MXRA5: variants seen among roughly 807,000 people sequenced by gnomAD.
MXRA5 encodes the protein matrix-remodeling-associated protein 5.
A neutral mutation model predicts 112.5 loss-of-function variants in MXRA5; 41 were observed. That is an observed-to-expected ratio of 0.36 (90% CI 0.28 to 0.47). MXRA5 has a LOEUF of 0.47. Among genes scored for constraint, MXRA5 ranks in the 20% least tolerant of loss-of-function variants. MXRA5 has a pLI of 0.99. For missense variants in MXRA5, 2,150 were observed against 2,251.0 expected (o/e 0.96, Z 0.91); for synonymous variants, 862 against 900.8 (o/e 0.96, Z 0.77).
In MXRA5 at chrX:3,317,141, C is replaced by A; in HGVS notation, c.6540G>T (p.Trp2180Cys). The A allele has an allele frequency of 8.4e-7, 1 of 1,194,260 alleles. No individual in the cohort carries two copies. Among genetic ancestry groups the A allele is most frequent in the Non-Finnish European group, 1.1e-6 (1 of 886,691 alleles). Residue 2180 changes from tryptophan to cysteine, a missense_variant, in exon 6 of 7, where the codon TGG becomes TGT. Transcript: ENST00000217939. ...ASGDPWPRIL[W>C]RLPSKRMIDA... ...CGATCATCCTCTTGGACGGCAGCCT[C>A]CAGAGGATGCGCGGCCAGGGGTCCC...
chrX:3,339,003 T>TAG (rs760327138), intron 2 of MXRA5, among the ~76,000 whole-genome samples: 1 of 108,902 alleles, frequency 9.2e-6, no homozygotes, highest in Non-Finnish European at 1.9e-5. Flanking sequence ...GATAGATAGA[T>TAG]ATTGAGAAAA....
At chrX:3,332,345 C>T (rs1011543694) in intron 2 of MXRA5, among the ~76,000 whole-genome samples, 3 of 110,942 alleles carry the variant, frequency 2.7e-5, no homozygotes, top group South Asian at 3.9e-4. Context: ...CCCAGGTTCA[C>T]GCCATTCTCC....
In MXRA5 at chrX:3,320,259, A is replaced by G; in HGVS notation, c.5426T>C (p.Val1809Ala). 8.3e-7 allele frequency: 1 copy of G among 1,210,989 alleles called. No individual in the cohort carries two copies. Among genetic ancestry groups the G allele is most frequent in the Non-Finnish European group, 1.1e-6 (1 of 894,986 alleles). Residue 1809 changes from valine to alanine, a missense_variant, in exon 5 of 7, where the codon GTC becomes GCC. Coordinates refer to ENST00000217939, the MANE Select transcript of MXRA5 (RefSeq NM_015419.4). The stretch of plus-strand genomic sequence containing the variant: ...GGAGATAGAACTCTGGGTGGAAGAG[A>G]CCATAGGGATATTCTGTAAGTTAGT... ...PSTNLQNIPM[V>A]SSTQSSISFI...
chrX:3,328,193 T>C (rs1015274683), intron 4 of MXRA5, among the ~76,000 whole-genome samples: 3 of 112,327 alleles, frequency 2.7e-5, no homozygotes, highest in Non-Finnish European at 5.6e-5. Context: ...CATCCATTGC[T>C]TGATGGCCTC....
chrX:3,312,013 A>G (rs1920996375), intron 6 of MXRA5, among the ~76,000 whole-genome samples: 1 of 112,462 alleles, frequency 8.9e-6, no homozygotes, highest in African/African-American at 3.2e-5. Flanking sequence ...TCAACCTTAT[A>G]AAGATGTTAA....
At position 3,342,153 on chromosome X, in the gene MXRA5, C is replaced by A. The variant is rs781279215; in HGVS notation, c.188+1493G>T. 2.7e-5 allele frequency among the ~76,000 whole-genome samples: 3 copies of A among 110,380 alleles called. No individual in the cohort carries two copies. The Admixed American group carries it at 2.9e-4, about 11-fold the overall frequency. On this transcript the variant is annotated intron_variant, in intron 2 of 6. Coordinates refer to ENST00000217939, the MANE Select transcript of MXRA5 (RefSeq NM_015419.4). ...CTAACAAGGGAAAGAGAAAACCAAA[C>A]GCTGCATGTTCTCACTCATAAATGG...
intron 1 of MXRA5, among the ~76,000 whole-genome samples, chrX:3,344,987 G>A (rs983484667): frequency 3.6e-5 from 4 of 110,578 alleles, no homozygotes; most frequent in African/African-American, 1.3e-4. Flanking sequence ...AACAAAATTA[G>A]CTGGGCGTGG....
rs1427717257 is a variant in MXRA5, at chrX:3,323,826, T to C, written c.1859A>G (p.Asn620Ser). The C allele has an allele frequency of 8.3e-7, 1 of 1,211,433 alleles. No individual in the cohort carries two copies. Residue 620 changes from asparagine (N) to serine (S), a missense_variant, in exon 5 of 7, where the codon AAT (asparagine) becomes AGT (serine). Physicochemically the swap from Asn to Ser is conservative, Grantham distance 46. Transcript: ENST00000217939. Reference protein sequence around the residue: ...SWILPNRRIINDLANTSHVYM... With the variant: ...SWILPNRRIISDLANTSHVYM... ...TACATGTGATGTGTTAGCCAAATCA[T>C]TAATTATCCTTCTGTTTGGAAGAAT...
In MXRA5 at chrX:3,321,374, A is replaced by G; in HGVS notation, c.4311T>C (p.Ala1437=). The change falls in exon 5 of 7, where the codon GCT becomes GCC. Residue 1437 remains alanine (A), a synonymous_variant. Coordinates refer to ENST00000217939, the MANE Select transcript of MXRA5 (RefSeq NM_015419.4). ...TVSTPFHQEE[A]GSSTTLSSIK... is the part of the protein sequence containing the mutation. ...TGCTTGAGAGAGTTGTGGAAGAACC[A>G]GCTTCTTCCTGGTGAAATGGTGTGG... 1 of 1,211,948 alleles carries G rather than the reference A, an allele frequency of 8.3e-7. No individual in the cohort carries two copies. The highest frequency in any genetic ancestry group is 1.1e-6 in the Non-Finnish European group (1 of 895,413).
At chrX:3,328,586 G>C (rs1921567370) in intron 4 of MXRA5, among the ~76,000 whole-genome samples, 1 of 111,191 alleles carries the variant, frequency 9.0e-6, no homozygotes, top group Non-Finnish European at 1.9e-5. Flanking sequence ...CAAGGACATG[G>C]GGACACTTGT....
intron 2 of MXRA5, among the ~76,000 whole-genome samples, chrX:3,341,645 A>G (rs1463017759): frequency 4.4e-5 from 3 of 68,448 alleles, no homozygotes; most frequent in African/African-American, 5.3e-5. Context: ...TATATTATAT[A>G]TTATATAATA....
In MXRA5 at chrX:3,323,571, C is replaced by T. The variant is rs764313552; in HGVS notation, c.2114G>A (p.Gly705Glu). The T allele has an allele frequency of 1.7e-5, 20 of 1,210,560 alleles. No individual in the cohort carries two copies. Among genetic ancestry groups the T allele is most frequent in the Non-Finnish European group, 2.0e-5 (18 of 894,867 alleles). Reference protein sequence around the residue: ...IVEDEGGSGMGDEENTSRRLL... With the variant: ...IVEDEGGSGMEDEENTSRRLL... Reference sequence around the variant, plus strand: ...TCTCCTTGAAGTGTTCTCTTCATCTCCCATGCCCGAGCCCCCTTCATCCTC... The same window carrying T: ...TCTCCTTGAAGTGTTCTCTTCATCTTCCATGCCCGAGCCCCCTTCATCCTC... Residue 705 changes from glycine to glutamate, a missense_variant, in exon 5 of 7, where the codon GGA (glycine) becomes GAA (glutamate). Gly to Glu is a moderately conservative substitution (Grantham distance 98, BLOSUM62 -2). Transcript: ENST00000217939.
At position 3,320,679 on chromosome X, in the gene MXRA5, C is replaced by T. The variant is rs756200054; in HGVS notation, c.5006G>A (p.Ser1669Asn). Residue 1669 changes from serine (S) to asparagine (N), a missense_variant, in exon 5 of 7, where the codon AGT becomes AAT. Around this residue, in one of 6 missense-constraint regions of MXRA5, gnomAD observed 1,485 missense variants for 1,471.6 expected, o/e 1.01. Transcript: ENST00000217939. Reference protein sequence around the residue: ...NKQFTTPRLSSTTIPLPLHMS... With the variant: ...NKQFTTPRLSNTTIPLPLHMS... ...GTGCAATGGGAGAGGAATTGTTGTA[C>T]TTGATAATCTTGGAGTTGTAAACTG... The T allele has an allele frequency of 8.3e-7, 1 of 1,211,411 alleles. No homozygotes were observed. Among genetic ancestry groups the T allele is most frequent in the South Asian group, 1.8e-5 (1 of 56,962 alleles).
rs1382370730 is a variant in MXRA5, at chrX:3,320,667, G to C, written c.5018C>G (p.Pro1673Arg). ...GGGTTTGGACATGTGCAATGGGAGA[G>C]GAATTGTTGTACTTGATAATCTTGG... ...TTPRLSSTTI[P>R]LPLHMSKPSI... The change falls in exon 5 of 7, where the codon CCT becomes CGT. Residue 1673 changes from proline to arginine, a missense_variant. This residue lies in a region of MXRA5 where 1,485 missense variants were observed against 1,471.6 expected (regional missense o/e 1.01). Coordinates refer to ENST00000217939, the MANE Select transcript of MXRA5 (RefSeq NM_015419.4). The C allele has an allele frequency of 8.3e-7, 1 of 1,210,280 alleles. No homozygotes were observed. The highest frequency in any genetic ancestry group is 1.1e-6 in the Non-Finnish European group (1 of 895,231).
At chrX:3,326,831 C>T (rs1363658879) in intron 4 of MXRA5, among the ~76,000 whole-genome samples, 2 of 110,669 alleles carry the variant, frequency 1.8e-5, no homozygotes, top group East Asian at 2.8e-4. Context: ...AATGGCCTCT[C>T]GCATATGTGT....
intron 5 of MXRA5, among the ~76,000 whole-genome samples, chrX:3,318,329 T>G (rs923553956): frequency 9.0e-6 from 1 of 110,726 alleles, no homozygotes; most frequent in Admixed American, 9.6e-5. Context: ...TTGTTTTTTG[T>G]AGAGACATGG....
intron 2 of MXRA5, among the ~76,000 whole-genome samples, chrX:3,341,434 ATAT>A (rs1269446599): frequency 1.4e-4 from 2 of 14,210 alleles, no homozygotes; most frequent in East Asian, 4.9e-3. Flanking sequence ...TATGTAATAT[ATAT>A]TATTATTATA....
At chrX:3,345,026 G>C (rs1184142345) in intron 1 of MXRA5, among the ~76,000 whole-genome samples, 3 of 111,770 alleles carry the variant, frequency 2.7e-5, no homozygotes, top group South Asian at 7.5e-4. Flanking sequence ...TCAGCTGCTC[G>C]GGAGGCTGAG....
At chrX:3,342,064 A>C (rs929596564) in intron 2 of MXRA5, among the ~76,000 whole-genome samples, 1 of 110,993 alleles carries the variant, frequency 9.0e-6, no homozygotes, top group Non-Finnish European at 1.9e-5. Context: ...CAGCCATAAA[A>C]AGGAAGGAAA....
Sources: gnomAD v4.1 joint callset for allele counts (sites outside exome capture counted in the v4.1 genomes callset) on GRCh38, gnomAD v4.1.1 for gene constraint, gnomAD v4.1.1 regional missense constraint, MANE v1.5 for transcripts, NCBI Gene and HGNC (gene_info 2026-07-23, HGNC 2026-07-21) for gene names.